Variants in SCD5 observed in about 807,000 individuals in gnomAD.
SCD5 encodes stearoyl-CoA desaturase 5.
Under a neutral mutation model 30.4 loss-of-function variants are expected in SCD5, and 20 were observed. The observed-to-expected ratio is 0.66, with a 90% CI of 0.46 to 0.96. The LOEUF is 0.96. Among genes scored for constraint, SCD5 ranks in the 40% least tolerant of loss-of-function variants. The probability of loss-of-function intolerance (pLI) is 0.00; values close to 1 mark genes in which losing one functional copy is unlikely to be tolerated. For synonymous variants in SCD5, 173 were observed against 176.4 expected (o/e 0.98, Z 0.16); for missense variants, 381 against 443.3 (o/e 0.86, Z 1.26).
intron 1 of SCD5, among the ~76,000 whole-genome samples, chr4:82,752,737 A>G (rs1880717): frequency 0.84 from 127,417 of 152,044 alleles, 53,514 homozygotes; most frequent in African/African-American, 0.88. Flanking sequence ...CAGTTCTTTC[A>G]CGCTTCTCTC....
At chr4:82,783,896 G>A (rs1560562651) in intron 1 of SCD5, among the ~76,000 whole-genome samples, 2 of 151,850 alleles carry the variant, frequency 1.3e-5, no homozygotes, top group African/African-American at 4.8e-5. Flanking sequence ...TAACTGTGCT[G>A]TGGTTATATT....
intron 1 of SCD5, among the ~76,000 whole-genome samples, chr4:82,771,338 C>A (rs969749043): frequency 2.0e-5 from 3 of 152,122 alleles, no homozygotes; most frequent in Non-Finnish European, 4.4e-5. Context: ...TTTCAGGGAT[C>A]ACCTCCCAAG....
At chr4:82,677,786 T>C (rs1356404396) in intron 3 of SCD5, among the ~76,000 whole-genome samples, 4 of 152,188 alleles carry the variant, frequency 2.6e-5, no homozygotes, top group Admixed American at 2.0e-4. Flanking sequence ...ATGCATGTAC[T>C]TCTGGCTTCC....
chr4:82,631,779 CCTT>C (rs1174045415), intron 4 of SCD5, among the ~76,000 whole-genome samples: 2 of 152,118 alleles, frequency 1.3e-5, no homozygotes, highest in East Asian at 1.9e-4. Context: ...TCAGAGCTAT[CCTT>C]CTTAAGGTAA....
rs1020237391 is a variant in SCD5, at chr4:82,672,315, G to C, written c.569+8392C>G. ...ATTGATAAGCCTCTAGCCAGACTAA[G>C]AAAAAAGAGGTAGGGCACAAATTAC... On this transcript the variant is annotated intron_variant, in intron 3 of 4. Coordinates refer to ENST00000319540, the MANE Select transcript of SCD5 (RefSeq NM_001037582.3). 3.0e-4 allele frequency among the ~76,000 whole-genome samples: 45 copies of C among 151,892 alleles called. 1 individual carries two copies. Among genetic ancestry groups the C allele is most frequent in the Admixed American group, 2.8e-3 (42 of 15,240 alleles).
intron 3 of SCD5, among the ~76,000 whole-genome samples, chr4:82,665,077 T>TATATATA (rs1491137528): frequency 5.1e-5 from 3 of 58,314 alleles, no homozygotes; most frequent in Admixed American, 1.9e-4. Flanking sequence ...TATATATATA[T>TATATATA]TTTTTTTTTA....
At chr4:82,647,151 T>C (rs923415953) in intron 3 of SCD5, among the ~76,000 whole-genome samples, 1 of 152,064 alleles carries the variant, frequency 6.6e-6, no homozygotes, top group African/African-American at 2.4e-5. Context: ...GTAGCAAAAA[T>C]TGTAAAGGAA....
intron 1 of SCD5, among the ~76,000 whole-genome samples, chr4:82,711,483 G>GC (rs1234497830): frequency 6.6e-6 from 1 of 152,158 alleles, no homozygotes; most frequent in Non-Finnish European, 1.5e-5. Context: ...GAAGGCCAAG[G>GC]CAGGTGGATT....
chr4:82,706,275 C>T (rs1719967445), intron 1 of SCD5, among the ~76,000 whole-genome samples: 1 of 152,132 alleles, frequency 6.6e-6, no homozygotes, highest in Non-Finnish European at 1.5e-5. Context: ...TCTATTCTGC[C>T]AGTAGGCTGG....
chr4:82,694,215 C>T (rs1350092717), intron 2 of SCD5, among the ~76,000 whole-genome samples: 1 of 152,196 alleles, frequency 6.6e-6, no homozygotes, highest in Non-Finnish European at 1.5e-5. Context: ...CACTCCCCAC[C>T]TTTTCAGTTT....
intron 1 of SCD5, among the ~76,000 whole-genome samples, chr4:82,733,069 C>T (rs1392054862): frequency 6.6e-6 from 1 of 152,190 alleles, no homozygotes; most frequent in Non-Finnish European, 1.5e-5. Flanking sequence ...ATCACAACAA[C>T]CCTATGAGGG....
intron 2 of SCD5, 130 bp from the exon 3 acceptor site, chr4:82,681,042 A>T: frequency 1.4e-6 from 1 of 707,148 alleles, no homozygotes; most frequent in Admixed American, 2.6e-5. Context: ...TCTTCAACCC[A>T]CAGTCCCTCA....
chr4:82,779,350 G>A (rs1221405803), intron 1 of SCD5, among the ~76,000 whole-genome samples: 1 of 152,196 alleles, frequency 6.6e-6, no homozygotes, highest in Non-Finnish European at 1.5e-5. Context: ...GCCAAGGACA[G>A]CATGCAGCCT....
intron 1 of SCD5, among the ~76,000 whole-genome samples, chr4:82,793,095 A>C (rs941182525): frequency 2.0e-5 from 3 of 152,228 alleles, no homozygotes; most frequent in Non-Finnish European, 4.4e-5. Flanking sequence ...AAAATGCAAG[A>C]GTTGTAACAA....
intron 4 of SCD5, among the ~76,000 whole-genome samples, chr4:82,634,462 C>G (rs754460020): frequency 6.7e-6 from 1 of 149,878 alleles, no homozygotes; most frequent in African/African-American, 2.4e-5. Flanking sequence ...TAAATTTATG[C>G]CATCCCTACC....
intron 1 of SCD5, among the ~76,000 whole-genome samples, chr4:82,726,332 G>A (rs1273494910): frequency 6.6e-6 from 1 of 150,376 alleles, no homozygotes; most frequent in East Asian, 2.0e-4. Context: ...CAGGAGAATC[G>A]CTTGAACCCG....
At chr4:82,679,691 G>A (rs1263729898) in intron 3 of SCD5, among the ~76,000 whole-genome samples, 2 of 152,172 alleles carry the variant, frequency 1.3e-5, no homozygotes, top group Admixed American at 6.5e-5. Context: ...TCTGTCTCCA[G>A]GGTCTGCCAG....
intron 3 of SCD5, among the ~76,000 whole-genome samples, chr4:82,648,916 G>A (rs1318301870): frequency 6.6e-6 from 1 of 152,120 alleles, no homozygotes; most frequent in Non-Finnish European, 1.5e-5. Flanking sequence ...TTTCTATGGA[G>A]GTACAGGATG....
At chr4:82,720,445 A>AAAAAAAAAAAAAAAAAAAAAAAAAAAAAC (rs1720345894) in intron 1 of SCD5, among the ~76,000 whole-genome samples, 1 of 145,476 alleles carries the variant, frequency 6.9e-6, no homozygotes, top group Non-Finnish European at 1.5e-5. Context: ...CAAAAATAAA[A>AAAAAAAAAAAAAAAAAAAAAAAAAAAAAC]AAAAAAAAAA....
Sources: gnomAD v4.1 joint callset for allele counts (sites outside exome capture counted in the v4.1 genomes callset) on GRCh38, gnomAD v4.1.1 for gene constraint, MANE v1.5 for transcripts, NCBI Gene and HGNC (gene_info 2026-07-23, HGNC 2026-07-21) for gene names.